Variants in MDGA2 observed in about 807,000 individuals in gnomAD.
MDGA2 encodes MAM domain-containing glycosylphosphatidylinositol anchor protein 2.
MDGA2 carries 40 observed loss-of-function variants against 117.8 expected under a neutral mutation model. The observed-to-expected ratio is 0.34, with a 90% CI of 0.26 to 0.44. The LOEUF (loss-of-function observed/expected upper bound fraction) is 0.44. MDGA2 is among the 20% of genes least tolerant of loss of function. MDGA2 has a pLI of 1.00. For synonymous variants in MDGA2, 452 were observed against 439.0 expected (o/e 1.03, Z -0.37); for missense variants, 1,123 against 1,250.6 (o/e 0.90, Z 1.54).
chr14:47,145,841 A>G (rs1358636611), intron 3 of MDGA2, among the ~76,000 whole-genome samples: 1 of 152,112 alleles, frequency 6.6e-6, no homozygotes, highest in South Asian at 2.1e-4. Flanking sequence ...TAATATTACT[A>G]TCATTATTGG....
rs117246358 is a variant in MDGA2 at position 47,336,433 on chromosome 14, T to C, written c.281-34883A>G. ...AGGAGAAAATAGAACTGAGAAGATA[T>C]GTTTAAGAGGAAGAAATACTTGCAT... On this transcript the variant is annotated intron_variant, in intron 1 of 16. Coordinates refer to ENST00000399232, the MANE Select transcript of MDGA2 (RefSeq NM_001113498.3). Among the ~76,000 whole-genome samples, 8 of 152,062 alleles carry C rather than the reference T, an allele frequency of 5.3e-5. No homozygotes were observed. The East Asian group carries it at 1.5e-3, about 29-fold the overall frequency.
At chr14:47,290,827 T>C (rs1347076214) in intron 2 of MDGA2, among the ~76,000 whole-genome samples, 2 of 151,778 alleles carry the variant, frequency 1.3e-5, no homozygotes, top group Non-Finnish European at 2.9e-5. Flanking sequence ...GAAAGTGTGA[T>C]TCCTCTGGTC....
chr14:47,417,122 T>C (rs949005825), intron 1 of MDGA2, among the ~76,000 whole-genome samples: 2 of 152,234 alleles, frequency 1.3e-5, no homozygotes, highest in African/African-American at 4.8e-5. Flanking sequence ...TATCTGTGCT[T>C]TCTCATTCTT....
At chr14:46,861,465 T>C (rs532412357) in intron 14 of MDGA2, among the ~76,000 whole-genome samples, 1 of 151,980 alleles carries the variant, frequency 6.6e-6, no homozygotes, top group Non-Finnish European at 1.5e-5. Flanking sequence ...CTATTTATGT[T>C]TGTTGAATAC....
chr14:47,239,459 G>A (rs1045870084), intron 2 of MDGA2, among the ~76,000 whole-genome samples: 3 of 151,772 alleles, frequency 2.0e-5, no homozygotes, highest in Admixed American at 6.6e-5. Flanking sequence ...AGATGTGTTT[G>A]CATTGCAAAA....
chr14:47,158,247 A>G (rs1428587209), intron 3 of MDGA2, among the ~76,000 whole-genome samples: 1 of 152,120 alleles, frequency 6.6e-6, no homozygotes, highest in African/African-American at 2.4e-5. Context: ...GCTATACCAT[A>G]TCACCTAGGT....
chr14:46,883,379 A>T (rs1882541157), intron 10 of MDGA2, among the ~76,000 whole-genome samples: 1 of 152,074 alleles, frequency 6.6e-6, no homozygotes, highest in African/African-American at 2.4e-5. Flanking sequence ...AATTTGGGAA[A>T]CATCAACTCC....
chr14:47,423,928 C>T (rs1594849966), intron 1 of MDGA2, among the ~76,000 whole-genome samples: 1 of 152,264 alleles, frequency 6.6e-6, no homozygotes, highest in East Asian at 1.9e-4. Context: ...TCCCCTGCCT[C>T]AGCCTCCCAA....
chr14:47,417,502 T>C (rs1366643909), intron 1 of MDGA2, among the ~76,000 whole-genome samples: 1 of 152,214 alleles, frequency 6.6e-6, no homozygotes, highest in Non-Finnish European at 1.5e-5. Flanking sequence ...ATATGTTCTT[T>C]GAGTTGATGG....
At chr14:47,628,713 C>G (rs182446312) in intron 1 of MDGA2, among the ~76,000 whole-genome samples, 1 of 152,288 alleles carries the variant, frequency 6.6e-6, no homozygotes, top group Non-Finnish European at 1.5e-5. Flanking sequence ...GGAAATATGA[C>G]GGATACTATG....
At chr14:47,109,670 G>A (rs1474988545) in intron 5 of MDGA2, among the ~76,000 whole-genome samples, 1 of 152,196 alleles carries the variant, frequency 6.6e-6, no homozygotes, top group African/African-American at 2.4e-5. Context: ...CAAAAGGCCA[G>A]GCATGATGGC....
intron 7 of MDGA2, among the ~76,000 whole-genome samples, chr14:47,052,641 A>G (rs1004402024): frequency 6.6e-6 from 1 of 151,918 alleles, no homozygotes; most frequent in African/African-American, 2.4e-5. Context: ...AAATATTGAT[A>G]TAACTTATGC....
At chr14:47,233,310 T>C (rs1332997699) in intron 2 of MDGA2, among the ~76,000 whole-genome samples, 2 of 152,110 alleles carry the variant, frequency 1.3e-5, no homozygotes, top group African/African-American at 4.8e-5. Context: ...AAACTATATG[T>C]TAGGTAAAAT....
chr14:47,337,929 C>T (rs1275049974), intron 1 of MDGA2, among the ~76,000 whole-genome samples: 1 of 151,936 alleles, frequency 6.6e-6, no homozygotes, highest in Non-Finnish European at 1.5e-5. Context: ...TTGAAAATAT[C>T]TTGTTTCCCA....
chr14:47,587,890 C>T (rs1047787222), intron 1 of MDGA2, among the ~76,000 whole-genome samples: 1 of 151,862 alleles, frequency 6.6e-6, no homozygotes, highest in Non-Finnish European at 1.5e-5. Context: ...TCTTGCCACC[C>T]ATTAGACACT....
At chr14:47,632,658 A>T (rs765912328) in intron 1 of MDGA2, among the ~76,000 whole-genome samples, 2 of 152,210 alleles carry the variant, frequency 1.3e-5, no homozygotes, top group Non-Finnish European at 2.9e-5. Context: ...TGTCTTTCAC[A>T]TTAAAAGAAA....
intron 6 of MDGA2, 148 bp from the exon 7 acceptor site, chr14:47,061,726 A>G: frequency 3.1e-6 from 2 of 644,556 alleles, no homozygotes; most frequent in East Asian, 2.8e-5. Flanking sequence ...TTGTGTGTAC[A>G]TCAAAAAACC....
intron 8 of MDGA2, among the ~76,000 whole-genome samples, chr14:46,975,241 T>C (rs1886411869): frequency 6.6e-6 from 1 of 152,024 alleles, no homozygotes; most frequent in Admixed American, 6.6e-5. Flanking sequence ...TTAAGCACTG[T>C]TGGAGGGAAT....
chr14:47,002,864 C>G (rs1448175802), intron 8 of MDGA2, among the ~76,000 whole-genome samples: 1 of 152,070 alleles, frequency 6.6e-6, no homozygotes, highest in Non-Finnish European at 1.5e-5. Flanking sequence ...ATAAACTACA[C>G]ATATGTAAGT....
Sources: gnomAD v4.1 joint callset for allele counts (sites outside exome capture counted in the v4.1 genomes callset) on GRCh38, gnomAD v4.1.1 for gene constraint, MANE v1.5 for transcripts, NCBI Gene and HGNC (gene_info 2026-07-23, HGNC 2026-07-21) for gene names.